The following SMIM41 variants were observed in gnomAD, a reference collection of about 807,000 sequenced individuals.
The protein encoded by SMIM41 is small integral membrane protein 41.
intron 2 of SMIM41, among the ~76,000 whole-genome samples, chr12:52,096,212 AG>A (rs1337339071): frequency 6.6e-6 from 1 of 151,138 alleles, no homozygotes; most frequent in African/African-American, 2.4e-5. Context: ...ATACCACAGA[AG>A]GGGTGTACAC....
chr12:52,103,293 C>T (rs1007198398), intron 2 of SMIM41, among the ~76,000 whole-genome samples: 1 of 150,198 alleles, frequency 6.7e-6, no homozygotes, highest in Non-Finnish European at 1.5e-5. Flanking sequence ...TGCCACTGCA[C>T]TCCAGCCTGT....
Position 52,081,775 on chromosome 12 carries a change from C to T in SMIM41, c.*120+1594C>T, listed in dbSNP as rs1190796314. 6.6e-6 allele frequency among the ~76,000 whole-genome samples: 1 copy of T among 152,160 alleles called. No homozygotes were observed. The highest frequency in any genetic ancestry group is 6.5e-5 in the Admixed American group (1 of 15,282). ...GAGAGGGTCTCCAGATCACTGGGAA[C>T]CCCTTTCTTTTACACGCGGGAGAAC... On this transcript the variant is annotated intron_variant, in intron 1 of 2. Transcript: ENST00000546390. The surrounding 1 kb of genome is among the most constrained non-coding windows in gnomAD (Gnocchi z 4.1).
At chr12:52,092,964 G>A (rs1202050475) in intron 2 of SMIM41, among the ~76,000 whole-genome samples, 1 of 152,274 alleles carries the variant, frequency 6.6e-6, no homozygotes, top group Non-Finnish European at 1.5e-5. Flanking sequence ...GGCAGATCAC[G>A]AGGTCAGGAT....
At chr12:52,100,078 A>T (rs1221229009) in intron 2 of SMIM41, among the ~76,000 whole-genome samples, 5 of 151,710 alleles carry the variant, frequency 3.3e-5, no homozygotes, top group Non-Finnish European at 7.4e-5. Flanking sequence ...AAGTAATATG[A>T]TCCTCTCCCC....
chr12:52,092,887 A>C (rs1402231763), intron 2 of SMIM41, among the ~76,000 whole-genome samples: 3 of 152,216 alleles, frequency 2.0e-5, no homozygotes, highest in Non-Finnish European at 2.9e-5. Context: ...TGATTTAGAA[A>C]AAACACATTT....
intron 1 of SMIM41, 22 bp downstream of exon 1, chr12:52,080,203 G>A (rs996068084): frequency 6.5e-6 from 2 of 307,028 alleles, no homozygotes; most frequent in African/African-American, 2.2e-5. Context: ...GGTAGCAGGA[G>A]TGTGGGCGCG....
chr12:52,097,944 T>TCCCCCG (rs1379304751), intron 2 of SMIM41, among the ~76,000 whole-genome samples: 14 of 148,980 alleles, frequency 9.4e-5, no homozygotes, highest in African/African-American at 2.2e-4. Context: ...TGTTATCCTC[T>TCCCCCG]CCCCCGCCCC....
intron 2 of SMIM41, among the ~76,000 whole-genome samples, chr12:52,099,216 A>G (rs776579965): frequency 1.3e-5 from 2 of 151,500 alleles, no homozygotes; most frequent in South Asian, 2.1e-4. Flanking sequence ...CTGCAACATG[A>G]GTAGTAATAT....
rs1381453396 is a variant in SMIM41, at chr12:52,080,074, G to T, written c.*13G>T. ...CGACGACTCCTAGGCGCCCGGCTGC[G>T]CTCGGTGGTCGCGGCCTCCAGGCAG... On this transcript the variant is annotated 3_prime_UTR_variant, in exon 1 of 3. Coordinates refer to ENST00000546390, the MANE Select transcript of SMIM41 (RefSeq NM_001369216.1). 1 of 358,704 alleles carries T rather than the reference G, an allele frequency of 2.8e-6. No homozygotes were observed. 22.2% of individuals were successfully genotyped at this position (358,704 alleles called of 1,614,324 possible).
At chr12:52,103,228 G>A (rs557577572) in intron 2 of SMIM41, among the ~76,000 whole-genome samples, 3 of 152,192 alleles carry the variant, frequency 2.0e-5, no homozygotes, top group East Asian at 1.9e-4. Flanking sequence ...TCGGGAGGCT[G>A]AGGCACAAGA....
chr12:52,097,187 G>A (rs896537463), intron 2 of SMIM41, among the ~76,000 whole-genome samples: 3 of 152,068 alleles, frequency 2.0e-5, no homozygotes, highest in African/African-American at 4.8e-5. Flanking sequence ...GGGGGGAAGA[G>A]TATGATATTG....
intron 2 of SMIM41, among the ~76,000 whole-genome samples, chr12:52,084,389 CAA>C (rs34593136): frequency 2.7e-5 from 4 of 149,686 alleles, no homozygotes; most frequent in Admixed American, 1.3e-4. Flanking sequence ...AAAAAACAAA[CAA>C]AAAAAAACAA....
rs992181265 is a variant in SMIM41 at position 52,081,861 on chromosome 12, A to C, written c.*120+1680A>C. 2.0e-5 allele frequency among the ~76,000 whole-genome samples: 3 copies of C among 152,284 alleles called. No individual in the cohort carries two copies. Among genetic ancestry groups the C allele is most frequent in the South Asian group, 2.1e-4 (1 of 4,822 alleles). On this transcript the variant is annotated intron_variant, in intron 1 of 2. Coordinates refer to ENST00000546390, the MANE Select transcript of SMIM41 (RefSeq NM_001369216.1). This position sits in a 1 kb window ranked among gnomAD's most constrained non-coding sequence, Gnocchi z 4.1. ...AAGCAGACCCTGGGCCCTGATTCCA[A>C]GTTCAGGCCCCCTTCTGGCACTTGG...
At chr12:52,105,980 G>A (rs1384695398) in intron 2 of SMIM41, among the ~76,000 whole-genome samples, 1 of 152,164 alleles carries the variant, frequency 6.6e-6, no homozygotes, top group East Asian at 1.9e-4. Context: ...TAAACCGATC[G>A]TGGGCTCCCG....
chr12:52,106,661 C>CT (rs1425411029), intron 2 of SMIM41, among the ~76,000 whole-genome samples: 4 of 152,148 alleles, frequency 2.6e-5, no homozygotes, highest in Non-Finnish European at 5.9e-5. Context: ...GATGAAAACT[C>CT]TAAGTCCCCC....
intron 2 of SMIM41, among the ~76,000 whole-genome samples, chr12:52,097,348 A>AC (rs150409162): frequency 0.16 from 22,328 of 140,958 alleles, 2,113 homozygotes; most frequent in Non-Finnish European, 0.22. Context: ...GAGAAATATC[A>AC]CCCCCCCCCG....
At position 52,079,742 on chromosome 12, in the gene SMIM41, T is replaced by C. The variant is rs1592320069; in HGVS notation, c.-38T>C. On this transcript the variant is annotated 5_prime_UTR_variant, in exon 1 of 3. Coordinates refer to ENST00000546390, the MANE Select transcript of SMIM41 (RefSeq NM_001369216.1). Reference sequence around the variant, plus strand: ...CCGCCAGTCTGGGCTCCTGCACATCTGGCGATCCCGCCACATCTGGGCAGC... The same window carrying C: ...CCGCCAGTCTGGGCTCCTGCACATCCGGCGATCCCGCCACATCTGGGCAGC... The C allele has an allele frequency of 2.5e-6, 1 of 392,190 alleles. No homozygotes were observed. Among genetic ancestry groups the C allele is most frequent in the Non-Finnish European group, 4.5e-6 (1 of 221,800 alleles). 24.3% of individuals were successfully genotyped at this position (392,190 alleles called of 1,614,324 possible).
chr12:52,094,083 A>G (rs1940048855), intron 2 of SMIM41, among the ~76,000 whole-genome samples: 1 of 144,558 alleles, frequency 6.9e-6, no homozygotes, highest in Non-Finnish European at 1.5e-5. Context: ...GTGAGCTGAG[A>G]TTGCACCACT....
chr12:52,098,296 C>A (rs1940139436), intron 2 of SMIM41, among the ~76,000 whole-genome samples: 1 of 152,036 alleles, frequency 6.6e-6, no homozygotes, highest in African/African-American at 2.4e-5. Flanking sequence ...GGGGCGTGTA[C>A]ACACACTTCG....
Sources: allele counts gnomAD v4.1 joint callset (sites outside exome capture counted in the v4.1 genomes callset), GRCh38; gene constraint gnomAD v4.1.1; non-coding constraint Gnocchi (gnomAD v3.1); transcripts MANE v1.5; gene names NCBI Gene and HGNC (gene_info 2026-07-23, HGNC 2026-07-21).